ARHGAP33: variants seen among roughly 807,000 people sequenced by gnomAD.
ARHGAP33 encodes the protein Rho GTPase activating protein 33, also known as rho GTPase-activating protein 33.
ARHGAP33 carries 57 observed loss-of-function variants against 126.2 expected under a neutral mutation model. The observed-to-expected ratio is 0.45, with a 90% CI of 0.36 to 0.56. The LOEUF (loss-of-function observed/expected upper bound fraction) is 0.56, where lower values mean the gene tolerates loss of function less well. ARHGAP33 is among the 20% of genes least tolerant of loss of function. ARHGAP33 has a pLI of 0.00. For missense variants in ARHGAP33, 1,500 were observed against 1,748.3 expected, an observed-to-expected ratio of 0.86 and a Z score of 2.53; for synonymous variants, 711 against 755.0, an observed-to-expected ratio of 0.94 and a Z score of 0.95.
rs1599786254 is a variant in ARHGAP33 at position 35,782,360 on chromosome 19, A to G, written c.1086-13A>G. 5.0e-6 allele frequency: 8 copies of G among 1,595,736 alleles called. No homozygotes were observed. In the East Asian group the frequency reaches 1.8e-4, roughly 36 times the overall value. On this transcript the variant is annotated splice_polypyrimidine_tract_variant and intron_variant, in intron 12 of 20. Coordinates refer to ENST00000007510, the MANE Select transcript of ARHGAP33 (RefSeq NM_001366178.1). This position sits in a 1 kb window ranked among gnomAD's most constrained non-coding sequence, Gnocchi z 4.1. ...GACCTGGATCTTCCTCCTCCTTGAC[A>G]CGGTGGTCTCAGGCACGAGTTTGAC...
chr19:35,784,218 C>G lies in ARHGAP33; in HGVS notation c.1468C>G (p.Arg490Gly), dbSNP rs777784026. 6.2e-7 allele frequency: 1 copy of G among 1,611,906 alleles called. No homozygotes were observed. Among genetic ancestry groups the G allele is most frequent in the South Asian group, 1.1e-5 (1 of 90,970 alleles). The change falls in exon 16 of 21, where the codon CGG becomes GGG. Residue 490 changes from arginine (R) to glycine (G), a missense_variant. Physicochemically the swap from Arg to Gly is moderately radical, Grantham distance 125. Transcript: ENST00000007510. ...SVGMGGAAAF[R>G]EVRVQSVVVE... is the part of the protein sequence containing the mutation. The stretch of plus-strand genomic sequence containing the variant: ...GGGAATGGGTGGCGCGGCGGCGTTC[C>G]GGGAAGTTCGGGTGCAGTCGGTGGT...
chr19:35,787,363 G>T lies in ARHGAP33; in HGVS notation c.2798G>T (p.Arg933Leu). ...CCTGCTTCCCAATCCCCCTTCCACC[G>T]CTCGCTGTCTCTGGAGGTGGGCGGG... The part of the protein sequence containing the change: ...TPPASQSPFH[R>L]SLSLEVGGEP... Residue 933 changes from arginine to leucine, a missense_variant, in exon 21 of 21, where the codon CGC becomes CTC. Physicochemically the swap from Arg to Leu is moderately radical, Grantham distance 102 (BLOSUM62 -2). Coordinates refer to ENST00000007510, the MANE Select transcript of ARHGAP33 (RefSeq NM_001366178.1). The T allele has an allele frequency of 6.2e-7, 1 of 1,609,640 alleles. No individual in the cohort carries two copies. Among genetic ancestry groups the T allele is most frequent in the Non-Finnish European group, 8.5e-7 (1 of 1,177,646 alleles).
Position 35,788,596 on chromosome 19 carries a change from C to T in ARHGAP33, c.*167C>T, listed in dbSNP as rs1972249641. The T allele has an allele frequency of 2.3e-5, 14 of 621,306 alleles. No individual in the cohort carries two copies. The Admixed American group carries it at 2.9e-4, about 13-fold the overall frequency. 38.5% of individuals were successfully genotyped at this position (621,306 alleles called of 1,614,324 possible). ...CTAACCTATAATCTCAGCTTCCCTA[C>T]CCTGGACTGAAGGGTCTGCCCATCC... is the stretch of plus-strand genomic sequence containing the variant. On this transcript the variant is annotated 3_prime_UTR_variant, in exon 21 of 21. Transcript: ENST00000007510.
At chr19:35,775,722 A>AGCCCC (rs1421822150) in intron 1 of ARHGAP33, 58 bp downstream of exon 1, 4 of 1,461,204 alleles carry the variant, frequency 2.7e-6, no homozygotes, top group South Asian at 1.3e-5. Flanking sequence ...GTCCGTGCGC[A>AGCCCC]GCCCCGCCCC....
Position 35,787,392 on chromosome 19 carries a change from C to T in ARHGAP33, c.2827C>T (p.Pro943Ser). The change falls in exon 21 of 21, where the codon CCC becomes TCC. Residue 943 changes from proline to serine, a missense_variant. By Grantham distance (74) the Pro-to-Ser change is moderately conservative. Transcript: ENST00000007510. ...RSLSLEVGGE[P>S]LGTSGSGPPP... ...GCTGTCTCTGGAGGTGGGCGGGGAG[C>T]CCCTGGGGACCTCAGGGAGTGGGCC... 2 of 1,609,652 alleles carry T rather than the reference C, an allele frequency of 1.2e-6. No individual in the cohort carries two copies. Among genetic ancestry groups the T allele is most frequent in the Non-Finnish European group, 1.7e-6 (2 of 1,177,906 alleles).
chr19:35,785,491 A>T lies in ARHGAP33; in HGVS notation c.1942+8A>T, dbSNP rs1325120073. The T allele has an allele frequency of 6.2e-7, 1 of 1,614,156 alleles. No individual in the cohort carries two copies. Among genetic ancestry groups the T allele is most frequent in the Non-Finnish European group, 8.5e-7 (1 of 1,179,990 alleles). The stretch of plus-strand genomic sequence containing the variant: ...CGCAGGCCAGCGGGGCTGGTGAGCA[A>T]GGCGGGCAATTGGGGGGCGCTACCT... On this transcript the variant is annotated splice_region_variant and intron_variant, in intron 19 of 20. Coordinates refer to ENST00000007510, the MANE Select transcript of ARHGAP33 (RefSeq NM_001366178.1).
At position 35,786,277 on chromosome 19, in the gene ARHGAP33, CA is replaced by C. The variant is rs1972106186; in HGVS notation, c.1943-134del. On this transcript the variant is annotated intron_variant, in intron 19 of 20. Coordinates refer to ENST00000007510, the MANE Select transcript of ARHGAP33 (RefSeq NM_001366178.1). This position sits in a 1 kb window ranked among gnomAD's most constrained non-coding sequence, Gnocchi z 7.0. ...GTGTCCTCTTCATGGTCTCCACTGT[CA>C]ATCTGAACAGCTCTTCCTGGCTTCA... is the stretch of plus-strand genomic sequence containing the variant. 16 of 1,432,436 alleles carry C rather than the reference CA, an allele frequency of 1.1e-5. No individual in the cohort carries two copies. The highest frequency in any genetic ancestry group is 1.5e-5 in the Non-Finnish European group (16 of 1,097,764). The allele number at this position is 1,432,436 out of a possible 1,614,324, so 88.7% of individuals were successfully genotyped here.
At chr19:35,784,360 C>T (rs752962107) in intron 16 of ARHGAP33, 43 bp downstream of exon 16, 32 of 1,510,316 alleles carry the variant, frequency 2.1e-5, no homozygotes, top group Admixed American at 1.0e-4. Context: ...CTGCCCACCA[C>T]GATCAGGGCT....
At position 35,776,936 on chromosome 19, in the gene ARHGAP33, G is replaced by T. The variant is rs141233729; in HGVS notation, c.7-709G>T. ...GGGCACATGTGAGTTGGGACCTGAGGGGTGGGAGTGAGGATGAATGTACCC... is the reference window on the plus strand; with the variant it reads ...GGGCACATGTGAGTTGGGACCTGAGTGGTGGGAGTGAGGATGAATGTACCC... On this transcript the variant is annotated intron_variant, in intron 1 of 20. Transcript: ENST00000007510. 3.2e-3 allele frequency among the ~76,000 whole-genome samples: 493 copies of T among 152,354 alleles called. 3 individuals are homozygous for T. Among genetic ancestry groups the T allele is most frequent in the South Asian group, 5.8e-3 (28 of 4,832 alleles).
intron 6 of ARHGAP33, chr19:35,779,868 C>T (rs899176506): frequency 2.1e-6 from 1 of 481,768 alleles, no homozygotes; most frequent in Admixed American, 2.3e-5. Flanking sequence ...GCCACCACGC[C>T]CAGCACAGAG....
At chr19:35,776,921 G>A (rs967960467) in intron 1 of ARHGAP33, among the ~76,000 whole-genome samples, 6 of 152,222 alleles carry the variant, frequency 3.9e-5, no homozygotes, top group Non-Finnish European at 8.8e-5. Flanking sequence ...GGGCACATGT[G>A]AGTTGGGACC....
At chr19:35,778,734 G>A in intron 5 of ARHGAP33, 133 bp downstream of exon 5, 1 of 1,289,142 alleles carries the variant, frequency 7.8e-7, no homozygotes, top group South Asian at 1.5e-5. Flanking sequence ...TGAATGAATG[G>A]AGAAGCCTTA....
At chr19:35,778,757 G>C (rs1334937926) in intron 5 of ARHGAP33, 156 bp downstream of exon 5, 26 of 1,152,684 alleles carry the variant, frequency 2.3e-5, no homozygotes, top group South Asian at 1.6e-5. Flanking sequence ...AACGTAGTAG[G>C]CTTCTGCTAC....
In ARHGAP33 at chr19:35,778,460, A is replaced by C. The variant is rs765905938; in HGVS notation, c.271-4A>C. Reference sequence around the variant, plus strand: ...TGCTCCCTTCTGTCCCTCTGCTCCCACAGGGCCGTTCCTGGCCGGTTCTCC... The same window carrying C: ...TGCTCCCTTCTGTCCCTCTGCTCCCCCAGGGCCGTTCCTGGCCGGTTCTCC... On this transcript the variant is annotated splice_region_variant and splice_polypyrimidine_tract_variant and intron_variant, in intron 4 of 20. Coordinates refer to ENST00000007510, the MANE Select transcript of ARHGAP33 (RefSeq NM_001366178.1). 1.9e-6 allele frequency: 3 copies of C among 1,613,930 alleles called. No homozygotes were observed. In the African/African-American group the frequency reaches 4.0e-5, roughly 22 times the overall value.
At chr19:35,779,000 C>G in intron 5 of ARHGAP33, 32 bp from the exon 6 acceptor site, 1 of 1,532,888 alleles carries the variant, frequency 6.5e-7, no homozygotes, top group Non-Finnish European at 8.8e-7. Context: ...CACGTCCACT[C>G]ACAGAGGCCC....
chr19:35,782,545 G>A lies in ARHGAP33; in HGVS notation c.1230+28G>A, dbSNP rs1365633178. 24 of 1,613,324 alleles carry A rather than the reference G, an allele frequency of 1.5e-5. No individual in the cohort carries two copies. Among genetic ancestry groups the A allele is most frequent in the Non-Finnish European group, 1.9e-5 (22 of 1,179,618 alleles). On this transcript the variant is annotated intron_variant, in intron 13 of 20. Transcript: ENST00000007510. The surrounding 1 kb of genome is among the most constrained non-coding windows in gnomAD (Gnocchi z 4.1). ...GAGTAAGGGAGCTGGCGGGACGGAG[G>A]GGGCCGGGACGCCTCTGGCCCAGAC...
At position 35,788,190 on chromosome 19, in the gene ARHGAP33, AAAC is replaced by A. The variant is rs1972227584; in HGVS notation, c.3629_3631del (p.Gln1210del). ...TCCCCCAGTCCCCCGCCTTCCCCAG[AAAC>A]AACGGGCACCCTGGGGACCCCGTAC... On this transcript the variant is annotated inframe_deletion, in exon 21 of 21. Coordinates refer to ENST00000007510, the MANE Select transcript of ARHGAP33 (RefSeq NM_001366178.1). The A allele has an allele frequency of 1.2e-6, 2 of 1,603,704 alleles. No homozygotes were observed. The highest frequency in any genetic ancestry group is 1.7e-6 in the Non-Finnish European group (2 of 1,176,484).
In ARHGAP33 at chr19:35,780,998, G is replaced by T. The variant is rs769424531; in HGVS notation, c.908G>T (p.Arg303Leu). The T allele has an allele frequency of 1.2e-6, 2 of 1,611,628 alleles. No homozygotes were observed. Among genetic ancestry groups the T allele is most frequent in the South Asian group, 1.1e-5 (1 of 91,080 alleles). ...MRSRPSRQRL[R>L]QRGILRQRVF... ...TCCCGCCCTTCTCGGCAGCGGCTGC[G>T]GCAGCGGGGAATCCTGCGACAGAGG... The change falls in exon 11 of 21, where the codon CGG becomes CTG. Residue 303 changes from arginine (R) to leucine (L), a missense_variant. Physicochemically the swap from Arg to Leu is moderately radical, Grantham distance 102. Coordinates refer to ENST00000007510, the MANE Select transcript of ARHGAP33 (RefSeq NM_001366178.1).
chr19:35,779,195 G>A (rs1229043460), intron 6 of ARHGAP33, 71 bp downstream of exon 6: 11 of 1,241,872 alleles, frequency 8.9e-6, no homozygotes, highest in East Asian at 5.1e-5. Context: ...AAGCAGCCTC[G>A]GTGTGTGTGT....
Sources: gnomAD v4.1 joint callset for allele counts (sites outside exome capture counted in the v4.1 genomes callset) on GRCh38, gnomAD v4.1.1 for gene constraint, Gnocchi (gnomAD v3.1) non-coding constraint, MANE v1.5 for transcripts, NCBI Gene and HGNC (gene_info 2026-07-23, HGNC 2026-07-21) for gene names.